The following ATF2 variants were observed in gnomAD, a reference collection of about 807,000 sequenced individuals.
ATF2 encodes activating transcription factor 2, also known as cyclic AMP-dependent transcription factor ATF-2.
Under a neutral mutation model 60.6 loss-of-function variants are expected in ATF2, and 24 were observed. That is an observed-to-expected ratio of 0.40 (90% confidence interval 0.29 to 0.56). ATF2 has a LOEUF of 0.56. Ranked by LOEUF, ATF2 falls within the 20% of genes least tolerant of loss-of-function variation. ATF2 has a pLI of 0.54. For synonymous variants in ATF2, 206 were observed against 215.4 expected (o/e 0.96, Z 0.38); for missense variants, 433 against 607.7 (o/e 0.71, Z 3.02).
At chr2:175,088,249 A>G (rs1694299948) in intron 12 of ATF2, among the ~76,000 whole-genome samples, 1 of 152,194 alleles carries the variant, frequency 6.6e-6, no homozygotes, top group Non-Finnish European at 1.5e-5. Context: ...TCTAGAATAT[A>G]GTTAAAAACT....
intron 5 of ATF2, among the ~76,000 whole-genome samples, chr2:175,120,854 A>T (rs888415314): frequency 6.6e-6 from 1 of 151,778 alleles, no homozygotes; most frequent in Admixed American, 6.6e-5. Flanking sequence ...CAACCAATGT[A>T]TGAACTGGGT....
chr2:175,129,922 C>G (rs1469679240), intron 4 of ATF2, among the ~76,000 whole-genome samples: 1 of 151,766 alleles, frequency 6.6e-6, no homozygotes, highest in Admixed American at 6.6e-5. Flanking sequence ...ATATAATGCT[C>G]CCCCCCTCCG....
At chr2:175,162,923 G>A (rs1437439639) in intron 1 of ATF2, among the ~76,000 whole-genome samples, 2 of 152,068 alleles carry the variant, frequency 1.3e-5, no homozygotes, top group Non-Finnish European at 2.9e-5. Context: ...CACAAGGTCA[G>A]AAGATCGAGA....
chr2:175,159,585 G>T (rs1344026737), intron 1 of ATF2, among the ~76,000 whole-genome samples: 2 of 152,240 alleles, frequency 1.3e-5, no homozygotes, highest in African/African-American at 2.4e-5. Context: ...CACGTAAAAA[G>T]TATCACAAAC....
intron 2 of ATF2, among the ~76,000 whole-genome samples, chr2:175,137,966 C>T (rs1413805073): frequency 6.6e-6 from 1 of 152,136 alleles, no homozygotes; most frequent in African/African-American, 2.4e-5. Flanking sequence ...CCTATAAATC[C>T]AGGCTTATCT....
chr2:175,122,701 C>G (rs1313765454), intron 4 of ATF2, among the ~76,000 whole-genome samples: 1 of 151,988 alleles, frequency 6.6e-6, no homozygotes, highest in Non-Finnish European at 1.5e-5. Flanking sequence ...GTTATAGCAC[C>G]TATCATATTT....
Position 175,100,275 on chromosome 2 carries a change from C to T in ATF2, c.829-2682G>A, listed in dbSNP as rs931708060. Among the ~76,000 whole-genome samples the T allele has an allele frequency of 4.1e-4, 63 of 152,128 alleles. 2 individuals are homozygous for T. On this transcript the variant is annotated intron_variant, in intron 10 of 13. Transcript: ENST00000264110. ...ATATAACATGTAAAACTATCTGACT[C>T]GTAAAAGAATTTTTCAGATGTCAGT...
At chr2:175,158,860 A>C (rs1684705584) in intron 1 of ATF2, among the ~76,000 whole-genome samples, 1 of 152,214 alleles carries the variant, frequency 6.6e-6, no homozygotes, top group Non-Finnish European at 1.5e-5. Context: ...AAATACACAG[A>C]ATAGTGCATG....
At chr2:175,160,667 T>C (rs1158463038) in intron 1 of ATF2, among the ~76,000 whole-genome samples, 1 of 152,210 alleles carries the variant, frequency 6.6e-6, no homozygotes, top group Non-Finnish European at 1.5e-5. Context: ...AACTGTGGTA[T>C]TTTAATCATA....
chr2:175,100,001 T>G (rs1413103320), intron 10 of ATF2, among the ~76,000 whole-genome samples: 1 of 152,224 alleles, frequency 6.6e-6, no homozygotes, highest in Non-Finnish European at 1.5e-5. Flanking sequence ...GTTTTCTCCC[T>G]CTTTTCTGAC....
In ATF2 at chr2:175,073,850, T is replaced by G. The variant is rs1693102901; in HGVS notation, c.*759A>C. ...ACCCTGTATCATACATTATATAATT[T>G]CATATTTTTAGCCTCAAAACATAGG... On this transcript the variant is annotated 3_prime_UTR_variant, in exon 14 of 14. Coordinates refer to ENST00000264110, the MANE Select transcript of ATF2 (RefSeq NM_001880.4). 1 of 152,196 alleles carries G rather than the reference T, an allele frequency of 6.6e-6. No individual in the cohort carries two copies. The highest frequency in any genetic ancestry group is 1.5e-5 in the Non-Finnish European group (1 of 68,038). The allele number at this position is 152,196 out of a possible 1,614,324, so 9.4% of individuals were successfully genotyped here. A position where few individuals can be genotyped will look rare whatever the true frequency, so the allele number is the denominator to read the frequency against.
intron 4 of ATF2, among the ~76,000 whole-genome samples, chr2:175,128,489 A>C (rs1427530160): frequency 6.6e-6 from 1 of 151,676 alleles, no homozygotes; most frequent in Non-Finnish European, 1.5e-5. Context: ...AACAAGAGCG[A>C]AATTCCGTCT....
At chr2:175,141,750 C>T (rs944204499) in intron 2 of ATF2, among the ~76,000 whole-genome samples, 4 of 152,066 alleles carry the variant, frequency 2.6e-5, no homozygotes, top group African/African-American at 9.7e-5. Context: ...GCCTTGGCCT[C>T]CCGAAGTGCT....
chr2:175,114,412 C>A, intron 8 of ATF2: 2 of 1,249,634 alleles, frequency 1.6e-6, no homozygotes, highest in East Asian at 7.2e-5. Context: ...GAAATGGAAT[C>A]TGGTGATGCA....
At chr2:175,108,339 C>T (rs1226371716) in intron 10 of ATF2, among the ~76,000 whole-genome samples, 4 of 151,330 alleles carry the variant, frequency 2.6e-5, no homozygotes, top group African/African-American at 9.7e-5. Flanking sequence ...CAACCCCCGC[C>T]CGGCCAGCCG....
At chr2:175,108,524 C>T (rs1253234148) in intron 10 of ATF2, among the ~76,000 whole-genome samples, 1 of 150,984 alleles carries the variant, frequency 6.6e-6, no homozygotes, top group Non-Finnish European at 1.5e-5. Flanking sequence ...GGTCAGCCCC[C>T]GCCCGGCCAG....
chr2:175,163,140 T>A (rs1293950653), intron 1 of ATF2, among the ~76,000 whole-genome samples: 4 of 11,092 alleles, frequency 3.6e-4, no homozygotes, highest in Non-Finnish European at 8.8e-4. Context: ...TCTCAAAAAA[T>A]AAATAAATAA....
Position 175,116,576 on chromosome 2 carries a change from G to T in ATF2, c.447+1414C>A, listed in dbSNP as rs569633700. 2.0e-5 allele frequency among the ~76,000 whole-genome samples: 3 copies of T among 151,976 alleles called. No individual in the cohort carries two copies. In the South Asian group the frequency reaches 6.2e-4, roughly 32 times the overall value. ...GAAATTTGGGAGTCATCAGTATGTAGATGTTTATTAAAGTTATGGGCCTGG... is the reference window on the plus strand; with the variant it reads ...GAAATTTGGGAGTCATCAGTATGTATATGTTTATTAAAGTTATGGGCCTGG... On this transcript the variant is annotated intron_variant, in intron 7 of 13. Coordinates refer to ENST00000264110, the MANE Select transcript of ATF2 (RefSeq NM_001880.4).
chr2:175,112,529 G>A (rs567714649), intron 9 of ATF2, among the ~76,000 whole-genome samples: 1 of 152,212 alleles, frequency 6.6e-6, no homozygotes, highest in African/African-American at 2.4e-5. Context: ...ATTCTTGGGG[G>A]TAATCTCACC....
Sources: gnomAD v4.1 joint callset for allele counts (sites outside exome capture counted in the v4.1 genomes callset) on GRCh38, gnomAD v4.1.1 for gene constraint, MANE v1.5 for transcripts, NCBI Gene and HGNC (gene_info 2026-07-23, HGNC 2026-07-21) for gene names.